Variants in HYDIN observed in about 807,000 individuals in gnomAD.
HYDIN encodes HYDIN axonemal central pair apparatus protein, also known as axonemal central pair apparatus protein HYDIN.
HYDIN carries 132 observed loss-of-function variants against 403.9 expected under a neutral mutation model. That is an observed-to-expected ratio of 0.33 (90% CI 0.28 to 0.38). The LOEUF (loss-of-function observed/expected upper bound fraction) is 0.38. Ranked by LOEUF, HYDIN falls within the 10% of genes least tolerant of loss-of-function variation. The pLI is 1.00. For missense variants in HYDIN, 2,827 were observed against 5,009.5 expected, an observed-to-expected ratio of 0.56 and a Z score of 13.15; for synonymous variants, 1,202 against 1,891.7, an observed-to-expected ratio of 0.64 and a Z score of 9.46.
intron 10 of HYDIN, among the ~76,000 whole-genome samples, chr16:71,114,885 C>T (rs923000077): frequency 6.2e-4 from 50 of 81,258 alleles, no homozygotes; most frequent in Non-Finnish European, 6.9e-4. Context: ...CATCAGGTTG[C>T]CATCCCACCT....
At chr16:71,141,501 A>C (rs1420288589) in intron 7 of HYDIN, among the ~76,000 whole-genome samples, 1 of 151,990 alleles carries the variant, frequency 6.6e-6, no homozygotes, top group Non-Finnish European at 1.5e-5. Flanking sequence ...CATTCAAAAG[A>C]AATAAATACA....
intron 65 of HYDIN, 60 bp from the exon 66 acceptor site, chr16:70,868,848 T>C (rs2039937915): frequency 8.6e-6 from 13 of 1,504,706 alleles, no homozygotes; most frequent in South Asian, 1.2e-5. Context: ...TCTTGATACC[T>C]GCTGGTGATA....
At position 70,938,698 on chromosome 16, in the gene HYDIN, T is replaced by C. The variant is rs1247667370; in HGVS notation, c.6911A>G (p.Glu2304Gly). Residue 2304 changes from glutamate to glycine, a missense_variant, in exon 44 of 86, where the codon GAG (glutamate) becomes GGG (glycine). Coordinates refer to ENST00000393567, the MANE Select transcript of HYDIN (RefSeq NM_001270974.2). ...KEKERLQNMD[E>G]EEYDALTEEE... is the part of the protein sequence containing the mutation. ...CTCAGTCAGGGCATCATATTCTTCC[T>C]CATCCATGTTTTGGAGACGCTCCTT... 6.2e-7 allele frequency: 1 copy of C among 1,614,056 alleles called. No individual in the cohort carries two copies. Among genetic ancestry groups the C allele is most frequent in the Non-Finnish European group, 8.5e-7 (1 of 1,179,948 alleles).
At chr16:71,151,725 A>C (rs537346745) in intron 7 of HYDIN, among the ~76,000 whole-genome samples, 1 of 150,892 alleles carries the variant, frequency 6.6e-6, no homozygotes, top group East Asian at 2.0e-4. Flanking sequence ...AGGAAATGAG[A>C]AAAAGCATAA....
At chr16:71,109,640 CTCTTCCCTG>C (rs1421294947) in intron 10 of HYDIN, among the ~76,000 whole-genome samples, 5 of 135,192 alleles carry the variant, frequency 3.7e-5, no homozygotes, top group African/African-American at 1.9e-4. Context: ...GTAAGCAAAG[CTCTTCCCTG>C]GCAAGCATAT....
At chr16:71,012,675 CCT>C (rs768126383) in intron 23 of HYDIN, among the ~76,000 whole-genome samples, 3 of 152,106 alleles carry the variant, frequency 2.0e-5, no homozygotes, top group Non-Finnish European at 4.4e-5. Flanking sequence ...AAAAGAAAAC[CCT>C]CTCTTACACT....
At chr16:71,169,927 C>T (rs1040268497) in intron 5 of HYDIN, among the ~76,000 whole-genome samples, 10 of 152,122 alleles carry the variant, frequency 6.6e-5, no homozygotes, top group Non-Finnish European at 1.2e-4. Flanking sequence ...TCATGTTGAA[C>T]ACCACAAATA....
At chr16:70,910,267 CCATTGTAT>C (rs1283554058) in intron 47 of HYDIN, among the ~76,000 whole-genome samples, 1 of 152,084 alleles carries the variant, frequency 6.6e-6, no homozygotes, top group Non-Finnish European at 1.5e-5. Flanking sequence ...TCCCCAAAGT[CCATTGTAT>C]CATTCTTATG....
rs373479446 is a variant in HYDIN, at chr16:70,981,574, C to T, written c.4333-6G>A. The T allele has an allele frequency of 1.7e-4, 269 of 1,608,234 alleles. No individual in the cohort carries two copies. The highest frequency in any genetic ancestry group is 1.9e-4 in the Non-Finnish European group (222 of 1,177,074). ...TGATGTGAACTGATAAAGCCCTACG[C>T]GGTAGAAAGACCAGAAAAGGGAAAA... On this transcript the variant is annotated splice_polypyrimidine_tract_variant and splice_region_variant and intron_variant, in intron 28 of 85. Coordinates refer to ENST00000393567, the MANE Select transcript of HYDIN (RefSeq NM_001270974.2).
At chr16:71,060,113 G>GT (rs991023433) in intron 18 of HYDIN, among the ~76,000 whole-genome samples, 6 of 151,574 alleles carry the variant, frequency 4.0e-5, no homozygotes, top group South Asian at 2.1e-4. Context: ...TCTAAAAAGT[G>GT]TTTTTTTGAG....
In HYDIN at chr16:70,927,187, CTGAA is replaced by C. The variant is rs1164399025; in HGVS notation, c.7159-5974_7159-5971del. Among the ~76,000 whole-genome samples, 15 of 140,964 alleles carry C rather than the reference CTGAA, an allele frequency of 1.1e-4. No individual in the cohort carries two copies. In the East Asian group the frequency reaches 3.0e-3, roughly 28 times the overall value. 92.5% of individuals were successfully genotyped at this position (140,964 alleles called of 152,430 possible). A position where few individuals can be genotyped will look rare whatever the true frequency, so the allele number is the denominator to read the frequency against. On this transcript the variant is annotated intron_variant, in intron 45 of 85. Transcript: ENST00000393567. ...CACCTAGGCAAATCATAGTAAATTA[CTGAA>C]TGAAGACTCGACATCTTAAAGGTGT...
chr16:71,067,597 T>C (rs1350602279), intron 14 of HYDIN, among the ~76,000 whole-genome samples: 2 of 150,808 alleles, frequency 1.3e-5, no homozygotes, highest in Non-Finnish European at 3.0e-5. Flanking sequence ...ACCAAATGGC[T>C]GTTAGTACAA....
At chr16:71,090,262 T>A (rs1382485467) in intron 11 of HYDIN, 1 of 133,174 alleles carries the variant, frequency 7.5e-6, no homozygotes, top group Non-Finnish European at 1.5e-5. Context: ...GGCCAGCGAC[T>A]CTGAAGCCAA....
intron 10 of HYDIN, among the ~76,000 whole-genome samples, chr16:71,102,612 T>C (rs1376115739): frequency 6.6e-6 from 1 of 151,754 alleles, no homozygotes; most frequent in Admixed American, 6.6e-5. Context: ...CAGTAAAATG[T>C]ATTGTGTGTT....
At chr16:70,817,421 C>T (rs1442613718) in intron 84 of HYDIN, 1 of 151,750 alleles carries the variant, frequency 6.6e-6, no homozygotes, top group Admixed American at 6.6e-5. Context: ...GACATTGAAA[C>T]CAACACAAAT....
At chr16:71,020,091 T>C in intron 22 of HYDIN, 83 bp downstream of exon 22, 1 of 1,248,896 alleles carries the variant, frequency 8.0e-7, no homozygotes, top group Non-Finnish European at 1.1e-6. Context: ...TGAAGTTGGG[T>C]GGTGTATCAT....
At chr16:71,021,762 GT>G (rs2080504713) in intron 21 of HYDIN, among the ~76,000 whole-genome samples, 1 of 152,108 alleles carries the variant, frequency 6.6e-6, no homozygotes, top group African/African-American at 2.4e-5. Flanking sequence ...AGGCCTCCTT[GT>G]TTTCATTTGC....
intron 10 of HYDIN, among the ~76,000 whole-genome samples, chr16:71,104,272 GA>G (rs2083546145): frequency 6.6e-6 from 1 of 151,554 alleles, no homozygotes; most frequent in African/African-American, 2.4e-5. Flanking sequence ...AGAAAGATAT[GA>G]AAATTAATAA....
chr16:71,109,389 A>G (rs2083733034), intron 10 of HYDIN, among the ~76,000 whole-genome samples: 2 of 134,814 alleles, frequency 1.5e-5, no homozygotes, highest in Non-Finnish European at 2.9e-5. Flanking sequence ...AAACGACATG[A>G]GGAGGAAAGA....
Sources: allele counts gnomAD v4.1 joint callset (sites outside exome capture counted in the v4.1 genomes callset), GRCh38; gene constraint gnomAD v4.1.1; transcripts MANE v1.5; gene names NCBI Gene and HGNC (gene_info 2026-07-23, HGNC 2026-07-21).